The following PKP4 variants were observed in gnomAD, a reference collection of about 807,000 sequenced individuals.
The protein encoded by PKP4 is plakophilin-4.
Under a neutral mutation model 145.1 loss-of-function variants are expected in PKP4, and 90 were observed. The ratio of observed to expected loss-of-function variants is 0.62; its 90% confidence interval spans 0.52 to 0.74. PKP4 has a LOEUF of 0.74. PKP4 is among the 30% of genes least tolerant of loss of function. PKP4 has a pLI of 0.00. For missense variants in PKP4, 1,340 were observed against 1,482.7 expected, an observed-to-expected ratio of 0.90 and a Z score of 1.58; for synonymous variants, 563 against 577.2, an observed-to-expected ratio of 0.98 and a Z score of 0.35.
intron 1 of PKP4, among the ~76,000 whole-genome samples, chr2:158,482,391 C>T (rs1231030508): frequency 6.6e-6 from 1 of 152,182 alleles, no homozygotes; most frequent in Non-Finnish European, 1.5e-5. Flanking sequence ...CCAAGTGATC[C>T]TCCTGCTTCA....
intron 1 of PKP4, among the ~76,000 whole-genome samples, chr2:158,498,831 TTC>T (rs1316668842): frequency 1.3e-5 from 2 of 151,788 alleles, no homozygotes; most frequent in African/African-American, 2.4e-5. Flanking sequence ...TTTTTTTTTT[TTC>T]CTTCAGGGGT....
intron 3 of PKP4, among the ~76,000 whole-genome samples, chr2:158,601,433 TAATAGA>T (rs1453866571): frequency 2.0e-5 from 3 of 152,300 alleles, no homozygotes; most frequent in Middle Eastern, 3.4e-3. Flanking sequence ...CTAATTTAGA[TAATAGA>T]ATTAAATAAC....
At chr2:158,467,671 C>T (rs111944439) in intron 1 of PKP4, among the ~76,000 whole-genome samples, 13,147 of 151,838 alleles carry the variant, frequency 0.087, 785 homozygotes, top group Middle Eastern at 0.22. Flanking sequence ...CATAGCCAGA[C>T]GCTGTCTCTA....
At chr2:158,652,012 C>T (rs1574976459) in intron 11 of PKP4, among the ~76,000 whole-genome samples, 1 of 152,266 alleles carries the variant, frequency 6.6e-6, no homozygotes, top group South Asian at 2.1e-4. Context: ...TGGCATGAAG[C>T]AAGCAAGCAT....
intron 8 of PKP4, among the ~76,000 whole-genome samples, chr2:158,632,880 C>A (rs556078531): frequency 6.6e-6 from 1 of 152,194 alleles, no homozygotes; most frequent in East Asian, 1.9e-4. Flanking sequence ...TTGAGGAATT[C>A]CTTTAATAAG....
At chr2:158,600,840 G>C (rs1471596174) in intron 3 of PKP4, among the ~76,000 whole-genome samples, 1 of 151,902 alleles carries the variant, frequency 6.6e-6, no homozygotes, top group African/African-American at 2.4e-5. Context: ...TTTATATATG[G>C]TACCTTAAAT....
At chr2:158,568,374 C>T (rs1309181778) in intron 2 of PKP4, among the ~76,000 whole-genome samples, 1 of 152,078 alleles carries the variant, frequency 6.6e-6, no homozygotes, top group Non-Finnish European at 1.5e-5. Context: ...TAAACCCCAC[C>T]CCTCTGACTT....
At chr2:158,632,810 A>G (rs2053489390) in intron 8 of PKP4, among the ~76,000 whole-genome samples, 1 of 152,310 alleles carries the variant, frequency 6.6e-6, no homozygotes, top group African/African-American at 2.4e-5. Flanking sequence ...TTCTAATAAA[A>G]TGTACCATTT....
At chr2:158,678,741 C>T in intron 21 of PKP4, 87 bp downstream of exon 21, 3 of 894,248 alleles carry the variant, frequency 3.4e-6, no homozygotes, top group Non-Finnish European at 5.7e-6. Context: ...CAGAGCTGGG[C>T]CAACATGGCA....
At chr2:158,505,251 C>T (rs1350151873) in intron 1 of PKP4, among the ~76,000 whole-genome samples, 1 of 152,074 alleles carries the variant, frequency 6.6e-6, no homozygotes, top group East Asian at 1.9e-4. Flanking sequence ...GGGAGGAAAC[C>T]CTGTTGATGA....
rs977052961 is a variant in PKP4, at chr2:158,580,083, A to G, written c.245+2700A>G. ...TCAAGAGCCATCTGGAGCAAATATA[A>G]CAAAATGTTAACAACTGTTAAATGA... On this transcript the variant is annotated intron_variant, in intron 3 of 21. Transcript: ENST00000389759. Among the ~76,000 whole-genome samples the G allele has an allele frequency of 2.4e-4, 36 of 152,310 alleles. No individual in the cohort carries two copies. In the South Asian group the frequency reaches 7.1e-3, roughly 30 times the overall value.
chr2:158,669,839 A>G lies in PKP4; in HGVS notation c.2848A>G (p.Met950Val), dbSNP rs769031427. 4.3e-6 allele frequency: 7 copies of G among 1,614,002 alleles called. No homozygotes were observed. The African/African-American group carries it at 8.0e-5, about 18-fold the overall frequency. ...TCTGCACGAGGTCACCAGCAAAAAC[A>G]TGGAGAACGCAAAAGCCCTGGCCGA... ...CALHEVTSKN[M>V]ENAKALADSG... Residue 950 changes from methionine to valine, a missense_variant, in exon 17 of 22, where the codon ATG becomes GTG. Coordinates refer to ENST00000389759, the MANE Select transcript of PKP4 (RefSeq NM_003628.6).
chr2:158,618,384 C>G (rs1458590478), intron 4 of PKP4, among the ~76,000 whole-genome samples: 2 of 152,032 alleles, frequency 1.3e-5, no homozygotes, highest in Non-Finnish European at 2.9e-5. Context: ...TTTTAGTGTT[C>G]TAGTTAGCAT....
At chr2:158,484,290 A>G (rs894290735) in intron 1 of PKP4, among the ~76,000 whole-genome samples, 17 of 151,054 alleles carry the variant, frequency 1.1e-4, no homozygotes, top group African/African-American at 4.1e-4. Flanking sequence ...CTCGTGATCC[A>G]CCCACCTCGG....
intron 1 of PKP4, among the ~76,000 whole-genome samples, chr2:158,503,138 G>A (rs1236815736): frequency 6.6e-6 from 1 of 152,184 alleles, no homozygotes; most frequent in Non-Finnish European, 1.5e-5. Flanking sequence ...GCTCTTGGAA[G>A]CAACATTTGT....
At chr2:158,521,078 A>G (rs1017215594) in intron 1 of PKP4, among the ~76,000 whole-genome samples, 4 of 152,232 alleles carry the variant, frequency 2.6e-5, no homozygotes, top group Non-Finnish European at 1.5e-5. Context: ...CCTATGTACA[A>G]GAGTGTCTCT....
At chr2:158,620,393 G>C (rs890157094) in intron 4 of PKP4, among the ~76,000 whole-genome samples, 1 of 152,090 alleles carries the variant, frequency 6.6e-6, no homozygotes, top group Non-Finnish European at 1.5e-5. Context: ...AGTTTGGCTG[G>C]AAGAAACAAT....
chr2:158,624,570 G>T (rs2052568468), intron 6 of PKP4, among the ~76,000 whole-genome samples: 1 of 149,160 alleles, frequency 6.7e-6, no homozygotes, highest in African/African-American at 2.5e-5. Context: ...TATGTGCTGT[G>T]AAAAATGCAT....
intron 2 of PKP4, among the ~76,000 whole-genome samples, chr2:158,540,379 T>C (rs1431230021): frequency 6.6e-6 from 1 of 152,332 alleles, no homozygotes; most frequent in South Asian, 2.1e-4. Context: ...GAACTAAAAA[T>C]GTAAACATGT....
Sources: gnomAD v4.1 joint callset for allele counts (sites outside exome capture counted in the v4.1 genomes callset) on GRCh38, gnomAD v4.1.1 for gene constraint, MANE v1.5 for transcripts, NCBI Gene and HGNC (gene_info 2026-07-23, HGNC 2026-07-21) for gene names.